The following KCTD8 variants were observed in gnomAD, a reference collection of about 807,000 sequenced individuals.
The protein encoded by KCTD8 is potassium channel tetramerization domain containing 8.
In KCTD8, 27 loss-of-function variants were observed where a neutral mutation model predicts 31.5. The ratio of observed to expected loss-of-function variants is 0.86; its 90% CI spans 0.63 to 1.18. KCTD8 has a LOEUF of 1.18. Ranked by LOEUF, KCTD8 falls within the 50% of genes most tolerant of loss-of-function variation. KCTD8 has a pLI of 0.00. For synonymous variants in KCTD8, 290 were observed against 280.0 expected (o/e 1.04, Z -0.36); for missense variants, 658 against 647.7 (o/e 1.02, Z -0.17).
At chr4:44,432,972 C>T (rs1721540607) in intron 1 of KCTD8, among the ~76,000 whole-genome samples, 1 of 151,512 alleles carries the variant, frequency 6.6e-6, no homozygotes, top group South Asian at 2.1e-4. Flanking sequence ...TCTGACTGGC[C>T]CTTGTCAATA....
intron 1 of KCTD8, among the ~76,000 whole-genome samples, chr4:44,331,957 C>A (rs1718601070): frequency 6.6e-6 from 1 of 151,500 alleles, no homozygotes; most frequent in South Asian, 2.1e-4. Context: ...TAAACCAATT[C>A]TTCAAAAACC....
At chr4:44,392,516 G>A (rs538835481) in intron 1 of KCTD8, among the ~76,000 whole-genome samples, 31 of 151,998 alleles carry the variant, frequency 2.0e-4, no homozygotes, top group African/African-American at 6.5e-4. Flanking sequence ...AAAGGTGTAG[G>A]TGTGCTTGAA....
chr4:44,242,564 C>T (rs887077143), intron 1 of KCTD8, among the ~76,000 whole-genome samples: 7 of 151,322 alleles, frequency 4.6e-5, no homozygotes, highest in African/African-American at 1.2e-4. Context: ...GGCGAAAGGG[C>T]GGGATTCCGT....
intron 1 of KCTD8, among the ~76,000 whole-genome samples, chr4:44,261,131 C>G (rs1395269485): frequency 6.6e-6 from 1 of 151,824 alleles, no homozygotes; most frequent in African/African-American, 2.4e-5. Context: ...GACAAAAGCA[C>G]AAGAATGAAG....
intron 1 of KCTD8, among the ~76,000 whole-genome samples, chr4:44,265,462 C>T (rs990812919): frequency 1.8e-4 from 28 of 152,016 alleles, no homozygotes; most frequent in East Asian, 7.8e-4. Flanking sequence ...GCAGAAAAAC[C>T]GGAAACTCTA....
intron 1 of KCTD8, among the ~76,000 whole-genome samples, chr4:44,393,436 G>A (rs10938336): frequency 0.82 from 124,712 of 151,370 alleles, 51,530 homozygotes; most frequent in South Asian, 0.88. Context: ...TTGATGAAGG[G>A]AAAAAAACAG....
chr4:44,385,981 G>T (rs901519628), intron 1 of KCTD8, among the ~76,000 whole-genome samples: 2 of 151,530 alleles, frequency 1.3e-5, no homozygotes, highest in African/African-American at 4.8e-5. Flanking sequence ...CTAAAAAAAT[G>T]CAAATCAAAA....
At chr4:44,267,464 C>A (rs1200465136) in intron 1 of KCTD8, among the ~76,000 whole-genome samples, 2 of 152,102 alleles carry the variant, frequency 1.3e-5, no homozygotes, top group African/African-American at 4.8e-5. Flanking sequence ...AATTGACACC[C>A]TAACATCACA....
At chr4:44,408,229 A>G (rs977681859) in intron 1 of KCTD8, among the ~76,000 whole-genome samples, 1 of 152,188 alleles carries the variant, frequency 6.6e-6, no homozygotes, top group Non-Finnish European at 1.5e-5. Context: ...GTGTATAAAA[A>G]GTATTAGCAT....
intron 1 of KCTD8, among the ~76,000 whole-genome samples, chr4:44,416,629 C>A (rs568278937): frequency 6.6e-6 from 1 of 152,204 alleles, no homozygotes; most frequent in African/African-American, 2.4e-5. Context: ...GAATCTGGGA[C>A]ATCCCCTTTC....
intron 1 of KCTD8, among the ~76,000 whole-genome samples, chr4:44,328,378 T>G (rs1373783178): frequency 6.6e-6 from 1 of 151,914 alleles, no homozygotes; most frequent in Non-Finnish European, 1.5e-5. Flanking sequence ...CTTCTCTGAC[T>G]ACAACAAATA....
In KCTD8 at chr4:44,448,041, G is replaced by A. The variant is rs1721995800; in HGVS notation, c.483C>T (p.Cys161=). The change falls in exon 1 of 2, where the codon TGC becomes TGT. Residue 161 remains cysteine (C), a synonymous_variant. Coordinates refer to ENST00000360029, the MANE Select transcript of KCTD8 (RefSeq NM_198353.3). This position sits in a 1 kb window ranked among gnomAD's most constrained non-coding sequence, Gnocchi z 4.1. ...AGACGTTGTCCTCCAGGTCGCTCTG[G>A]CAGCCCTCGTCGTTGAGAGAGTTCT... ...TKQNSLNDEG[C]QSDLEDNVSQ... 6.2e-7 allele frequency: 1 copy of A among 1,610,330 alleles called. No individual in the cohort carries two copies. Among genetic ancestry groups the A allele is most frequent in the Non-Finnish European group, 8.5e-7 (1 of 1,178,830 alleles).
intron 1 of KCTD8, among the ~76,000 whole-genome samples, chr4:44,333,413 T>C (rs1718639518): frequency 6.6e-6 from 1 of 152,112 alleles, no homozygotes; most frequent in Non-Finnish European, 1.5e-5. Context: ...AAGATGTAAG[T>C]CAATACTTCA....
In KCTD8 at chr4:44,174,754, G is replaced by T; in HGVS notation, c.*36C>A. The T allele has an allele frequency of 1.4e-6, 2 of 1,480,304 alleles. No individual in the cohort carries two copies. The highest frequency in any genetic ancestry group is 2.6e-5 in the South Asian group (2 of 78,062). The allele number at this position is 1,480,304 out of a possible 1,614,324, so 91.7% of individuals were successfully genotyped here. ...AGGTGGTGACACTGTAGTAAACATT[G>T]AATGTCATCAAAATACTGCAGGAAT... On this transcript the variant is annotated 3_prime_UTR_variant, in exon 2 of 2. Transcript: ENST00000360029.
At chr4:44,246,285 G>T (rs978600456) in intron 1 of KCTD8, among the ~76,000 whole-genome samples, 4 of 152,008 alleles carry the variant, frequency 2.6e-5, no homozygotes, top group Admixed American at 2.6e-4. Context: ...AAGTCATTAG[G>T]TTTGAACTCT....
chr4:44,423,534 T>C (rs890539812), intron 1 of KCTD8, among the ~76,000 whole-genome samples: 7 of 152,060 alleles, frequency 4.6e-5, no homozygotes, highest in Non-Finnish European at 1.0e-4. Context: ...ACCCAATTCC[T>C]CTGTTCTGTT....
intron 1 of KCTD8, among the ~76,000 whole-genome samples, chr4:44,196,323 G>C (rs549967165): frequency 6.6e-6 from 1 of 152,222 alleles, no homozygotes; most frequent in African/African-American, 2.4e-5. Flanking sequence ...TGAAGAAGTA[G>C]AATACAAATA....
intron 1 of KCTD8, among the ~76,000 whole-genome samples, chr4:44,403,037 C>T (rs1720703498): frequency 6.6e-6 from 1 of 152,132 alleles, no homozygotes; most frequent in African/African-American, 2.4e-5. Context: ...AGAAGCTAGT[C>T]TGTGGGAAAC....
At chr4:44,381,202 G>A (rs1353673419) in intron 1 of KCTD8, among the ~76,000 whole-genome samples, 1 of 151,878 alleles carries the variant, frequency 6.6e-6, no homozygotes, top group Non-Finnish European at 1.5e-5. Context: ...AATGCCATGG[G>A]AGATTTTCAC....
Sources: gnomAD v4.1 joint callset for allele counts (sites outside exome capture counted in the v4.1 genomes callset) on GRCh38, gnomAD v4.1.1 for gene constraint, Gnocchi (gnomAD v3.1) non-coding constraint, MANE v1.5 for transcripts, NCBI Gene and HGNC (gene_info 2026-07-23, HGNC 2026-07-21) for gene names.